CA10: variants seen among roughly 807,000 people sequenced by gnomAD.
CA10 encodes the protein carbonic anhydrase-related protein 10.
CA10 carries 14 observed loss-of-function variants against 44.2 expected under a neutral mutation model. The observed-to-expected ratio is 0.32, with a 90% CI of 0.21 to 0.50. The LOEUF is 0.50. CA10 is among the 20% of genes least tolerant of loss of function. The pLI, the probability that CA10 is intolerant of heterozygous loss-of-function variation, is 0.99. For synonymous variants in CA10, 159 were observed against 141.6 expected, an observed-to-expected ratio of 1.12 and a Z score of -0.87; for missense variants, 350 against 409.7, an observed-to-expected ratio of 0.85 and a Z score of 1.26.
At chr17:52,070,849 C>T (rs1329078333) in intron 2 of CA10, among the ~76,000 whole-genome samples, 2 of 152,168 alleles carry the variant, frequency 1.3e-5, no homozygotes, top group Non-Finnish European at 2.9e-5. Flanking sequence ...CAGTTCTACC[C>T]ATGGGCATGT....
At chr17:51,723,788 G>A (rs1356523731) in intron 4 of CA10, among the ~76,000 whole-genome samples, 2 of 152,216 alleles carry the variant, frequency 1.3e-5, no homozygotes, top group Non-Finnish European at 2.9e-5. Context: ...ACTTCAGTGT[G>A]AAGCTGTTTT....
At chr17:52,081,799 C>CA (rs10707842) in intron 1 of CA10, among the ~76,000 whole-genome samples, 1,186 of 78,122 alleles carry the variant, frequency 0.015, 18 homozygotes, top group Middle Eastern at 0.051. Context: ...GACTCCGTCT[C>CA]AAAAAAAAAA....
At chr17:52,020,752 AC>A (rs1986113173) in intron 2 of CA10, among the ~76,000 whole-genome samples, 1 of 151,924 alleles carries the variant, frequency 6.6e-6, no homozygotes, top group Admixed American at 6.6e-5. Context: ...TGATTCCATC[AC>A]CCAGGTAGTA....
At chr17:52,096,341 C>T (rs567206093) in intron 1 of CA10, among the ~76,000 whole-genome samples, 45 of 152,238 alleles carry the variant, frequency 3.0e-4, no homozygotes, top group Admixed American at 8.5e-4. Context: ...CAACAAGAAG[C>T]CTGTGAGAGT....
intron 4 of CA10, among the ~76,000 whole-genome samples, chr17:51,655,833 T>A (rs1016859072): frequency 3.3e-5 from 5 of 152,258 alleles, no homozygotes; most frequent in Non-Finnish European, 7.3e-5. Context: ...TGAAATATCC[T>A]ATTTGCTTAT....
chr17:51,812,428 T>G (rs1907407169), intron 3 of CA10, among the ~76,000 whole-genome samples: 2 of 152,206 alleles, frequency 1.3e-5, no homozygotes, highest in Admixed American at 1.3e-4. Flanking sequence ...AAATTCACCA[T>G]AGTGAAAATA....
chr17:51,714,040 A>G (rs2143500034), intron 4 of CA10, among the ~76,000 whole-genome samples: 1 of 152,268 alleles, frequency 6.6e-6, no homozygotes, highest in East Asian at 1.9e-4. Context: ...GCTCCCTGCC[A>G]TGGTGCCCCT....
At chr17:52,146,184 A>C (rs2143396992) in intron 1 of CA10, among the ~76,000 whole-genome samples, 1 of 152,348 alleles carries the variant, frequency 6.6e-6, no homozygotes, top group South Asian at 2.1e-4. Context: ...ACACACCAAC[A>C]TGGCACATGT....
chr17:52,044,030 T>G (rs1250896786), intron 2 of CA10, among the ~76,000 whole-genome samples: 1 of 152,112 alleles, frequency 6.6e-6, no homozygotes, highest in African/African-American at 2.4e-5. Flanking sequence ...CTCTTAGTGT[T>G]CTTATTTGGC....
intron 2 of CA10, among the ~76,000 whole-genome samples, chr17:52,056,898 CTTT>C (rs1987244157): frequency 6.6e-6 from 1 of 152,022 alleles, no homozygotes. Flanking sequence ...AAGCTCTGTT[CTTT>C]GTGTTTACAA....
At chr17:51,927,756 G>T (rs1982490120) in intron 3 of CA10, among the ~76,000 whole-genome samples, 1 of 152,076 alleles carries the variant, frequency 6.6e-6, no homozygotes, top group Non-Finnish European at 1.5e-5. Context: ...AGTCAGTGAG[G>T]CTTAACTCAG....
At position 52,012,790 on chromosome 17, in the gene CA10, T is replaced by A. The variant is rs1003868442; in HGVS notation, c.136+59529A>T. ...AGTAGAAAACTGGAGAATGATAAGTTTGAACATAAAAAAGGAAATGGAAAT... is the reference window on the plus strand; with the variant it reads ...AGTAGAAAACTGGAGAATGATAAGTATGAACATAAAAAAGGAAATGGAAAT... On this transcript the variant is annotated intron_variant, in intron 2 of 8. Coordinates refer to ENST00000451037, the MANE Select transcript of CA10 (RefSeq NM_020178.5). Among the ~76,000 whole-genome samples the A allele has an allele frequency of 2.0e-4, 31 of 151,312 alleles. 1 individual carries two copies. In the Admixed American group the frequency reaches 2.1e-3, roughly 10 times the overall value.
chr17:52,072,265 GCCTT>G, intron 2 of CA10, 50 bp downstream of exon 2: 1 of 1,231,160 alleles, frequency 8.1e-7, no homozygotes, highest in Non-Finnish European at 1.2e-6. Context: ...AATAATGCTA[GCCTT>G]CATTCTAATT....
chr17:52,028,568 G>T (rs2144168014), intron 2 of CA10, among the ~76,000 whole-genome samples: 1 of 152,232 alleles, frequency 6.6e-6, no homozygotes, highest in Non-Finnish European at 1.5e-5. Context: ...TTTGGCTGTG[G>T]AGCCCTCCCA....
In CA10 at chr17:52,000,315, A is replaced by G. The variant is rs575734228; in HGVS notation, c.137-69183T>C. Among the ~76,000 whole-genome samples the G allele has an allele frequency of 1.2e-4, 19 of 152,146 alleles. No individual in the cohort carries two copies. The South Asian group carries it at 3.7e-3, about 30-fold the overall frequency. ...TCCTGGTTTCATGCAGGTGTAGTGA[A>G]AGCAATAAATCCACACATGAGTTTA... On this transcript the variant is annotated intron_variant, in intron 2 of 8. Transcript: ENST00000451037.
intron 2 of CA10, among the ~76,000 whole-genome samples, chr17:52,051,289 A>G (rs898364347): frequency 1.3e-5 from 2 of 152,090 alleles, no homozygotes; most frequent in Non-Finnish European, 1.5e-5. Context: ...AAAAACCAAA[A>G]TTGACAAATG....
At chr17:52,042,622 T>C (rs1391657940) in intron 2 of CA10, among the ~76,000 whole-genome samples, 1 of 152,010 alleles carries the variant, frequency 6.6e-6, no homozygotes, top group Non-Finnish European at 1.5e-5. Context: ...ACTTGTTTAT[T>C]TTTGTTTGTG....
At chr17:51,631,680 C>T (rs1567781037) in intron 8 of CA10, 74 bp from the exon 9 acceptor site, 7 of 1,304,566 alleles carry the variant, frequency 5.4e-6, no homozygotes, top group Non-Finnish European at 7.8e-6. Context: ...AATTTGCACA[C>T]AGTTTTAGAG....
intron 3 of CA10, among the ~76,000 whole-genome samples, chr17:51,843,016 T>C (rs1206672344): frequency 2.6e-5 from 4 of 152,216 alleles, no homozygotes; most frequent in East Asian, 3.8e-4. Context: ...TAAAAATTCA[T>C]TGTGAATGTG....
Sources: gnomAD v4.1 joint callset for allele counts (sites outside exome capture counted in the v4.1 genomes callset) on GRCh38, gnomAD v4.1.1 for gene constraint, MANE v1.5 for transcripts, NCBI Gene and HGNC (gene_info 2026-07-23, HGNC 2026-07-21) for gene names.